Variants in INSYN2B observed in about 807,000 individuals in gnomAD.
INSYN2B encodes inhibitory synaptic factor family member 2B.
A neutral mutation model predicts 41.2 loss-of-function variants in INSYN2B; 16 were observed. That is an observed-to-expected ratio of 0.39 (90% CI 0.26 to 0.59). INSYN2B has a LOEUF of 0.59. Ranked by LOEUF, INSYN2B falls within the 20% of genes least tolerant of loss-of-function variation. The pLI, the probability that INSYN2B is intolerant of heterozygous loss-of-function variation, is 0.57. For missense variants in INSYN2B, 608 were observed against 646.4 expected (o/e 0.94, Z 0.64); for synonymous variants, 245 against 244.4 (o/e 1.00, Z -0.02).
At chr5:169,879,327 C>G (rs1463208304) in intron 3 of INSYN2B, among the ~76,000 whole-genome samples, 2 of 152,116 alleles carry the variant, frequency 1.3e-5, no homozygotes, top group Non-Finnish European at 2.9e-5. Flanking sequence ...ATCTGACTTT[C>G]CAGAACACAA....
At chr5:169,944,278 G>A (rs1044777128) in intron 1 of INSYN2B, among the ~76,000 whole-genome samples, 6 of 152,186 alleles carry the variant, frequency 3.9e-5, no homozygotes, top group African/African-American at 1.4e-4. Context: ...CATGCACAGA[G>A]GTGTCTGAAA....
intron 1 of INSYN2B, among the ~76,000 whole-genome samples, chr5:169,927,710 G>T (rs1023984211): frequency 6.6e-6 from 1 of 152,162 alleles, no homozygotes; most frequent in Non-Finnish European, 1.5e-5. Context: ...TCCGCTTCCC[G>T]AGTTCATGCC....
intron 1 of INSYN2B, among the ~76,000 whole-genome samples, chr5:169,979,574 G>A (rs1777866510): frequency 6.6e-6 from 1 of 152,050 alleles, no homozygotes; most frequent in South Asian, 2.1e-4. Context: ...CATTCACATC[G>A]GTGTGATTTC....
intron 1 of INSYN2B, among the ~76,000 whole-genome samples, chr5:169,907,153 TCTGATGG>T (rs1276229901): frequency 6.6e-6 from 1 of 152,188 alleles, no homozygotes; most frequent in Non-Finnish European, 1.5e-5. Flanking sequence ...GGGACCCATA[TCTGATGG>T]CTGCTGAGGC....
chr5:169,939,052 C>T (rs962792895), intron 1 of INSYN2B, among the ~76,000 whole-genome samples: 2 of 151,354 alleles, frequency 1.3e-5, no homozygotes, highest in African/African-American at 2.4e-5. Context: ...TACAGGCATG[C>T]ACCACCACGC....
chr5:169,947,083 T>G (rs754142824), intron 1 of INSYN2B, among the ~76,000 whole-genome samples: 13 of 152,216 alleles, frequency 8.5e-5, no homozygotes, highest in Admixed American at 5.9e-4. Context: ...TACGTTTATC[T>G]TTACACAACA....
At chr5:169,964,214 T>A (rs1777205687) in intron 1 of INSYN2B, among the ~76,000 whole-genome samples, 1 of 152,146 alleles carries the variant, frequency 6.6e-6, no homozygotes, top group Non-Finnish European at 1.5e-5. Context: ...ATTCTGTGCT[T>A]TATCCTCGGT....
At chr5:169,907,394 GTT>G (rs986019490) in intron 1 of INSYN2B, among the ~76,000 whole-genome samples, 19 of 152,202 alleles carry the variant, frequency 1.2e-4, no homozygotes, top group African/African-American at 4.6e-4. Flanking sequence ...TCTAGTTCCT[GTT>G]TACTCTCTGC....
chr5:169,960,650 T>C (rs1417014268), intron 1 of INSYN2B, among the ~76,000 whole-genome samples: 1 of 152,200 alleles, frequency 6.6e-6, no homozygotes, highest in African/African-American at 2.4e-5. Flanking sequence ...TCACCTGTAC[T>C]TGTGTGGTAA....
In INSYN2B at chr5:169,955,390, G is replaced by GGAGA. The variant is rs139569428; in HGVS notation, c.-919+24883_-919+24886dup. The stretch of plus-strand genomic sequence containing the variant: ...CATATTCAATAAGTGTTAAAGGAAG[G>GGAGA]GAGAGAGAGAGAGAGACTGGGAGGG... On this transcript the variant is annotated intron_variant, in intron 1 of 3. Transcript: ENST00000377365. 7.3e-3 allele frequency among the ~76,000 whole-genome samples: 1,113 copies of GGAGA among 151,666 alleles called. 4 individuals carry two copies. Among genetic ancestry groups the GGAGA allele is most frequent in the Non-Finnish European group, 0.011 (772 of 67,832 alleles).
intron 1 of INSYN2B, among the ~76,000 whole-genome samples, chr5:169,901,860 T>C (rs921381494): frequency 6.6e-6 from 1 of 152,200 alleles, no homozygotes; most frequent in Non-Finnish European, 1.5e-5. Flanking sequence ...TTGCATCTGT[T>C]GGAGAAGAAG....
chr5:169,911,961 G>A (rs1774621321), intron 1 of INSYN2B, among the ~76,000 whole-genome samples: 1 of 152,162 alleles, frequency 6.6e-6, no homozygotes, highest in East Asian at 1.9e-4. Context: ...ATGTTTCCTA[G>A]GTTGAAATTG....
At chr5:169,901,858 G>A (rs975241145) in intron 1 of INSYN2B, among the ~76,000 whole-genome samples, 1 of 152,194 alleles carries the variant, frequency 6.6e-6, no homozygotes, top group East Asian at 1.9e-4. Flanking sequence ...GCTTGCATCT[G>A]TTGGAGAAGA....
chr5:169,949,072 G>T (rs537510256), intron 1 of INSYN2B, among the ~76,000 whole-genome samples: 1 of 152,174 alleles, frequency 6.6e-6, no homozygotes, highest in South Asian at 2.1e-4. Context: ...ATTATTAAAG[G>T]AAAAGCAGAG....
At chr5:169,870,610 A>G (rs987916302) in intron 3 of INSYN2B, among the ~76,000 whole-genome samples, 11 of 151,074 alleles carry the variant, frequency 7.3e-5, no homozygotes, top group Non-Finnish European at 1.0e-4. Flanking sequence ...TTAAAATTTT[A>G]TTATTATTAT....
At chr5:169,970,019 G>A (rs1395484993) in intron 1 of INSYN2B, among the ~76,000 whole-genome samples, 1 of 152,250 alleles carries the variant, frequency 6.6e-6, no homozygotes, top group Non-Finnish European at 1.5e-5. Flanking sequence ...GAGGCCTACA[G>A]GCTGCCTTTT....
intron 1 of INSYN2B, among the ~76,000 whole-genome samples, chr5:169,887,446 C>G (rs562123607): frequency 6.6e-6 from 1 of 152,144 alleles, no homozygotes; most frequent in Non-Finnish European, 1.5e-5. Context: ...TCATTCTAGC[C>G]TTCTCCCTGT....
At chr5:169,957,762 A>G (rs1776926158) in intron 1 of INSYN2B, among the ~76,000 whole-genome samples, 1 of 152,188 alleles carries the variant, frequency 6.6e-6, no homozygotes, top group Non-Finnish European at 1.5e-5. Flanking sequence ...TGGTCTGTTC[A>G]TGACCCTGTT....
chr5:169,941,884 G>A (rs113762478), intron 1 of INSYN2B, among the ~76,000 whole-genome samples: 4 of 152,268 alleles, frequency 2.6e-5, no homozygotes, highest in African/African-American at 4.8e-5. Flanking sequence ...GCAGGGTCAC[G>A]CTGCATCAGG....
Sources: allele counts gnomAD v4.1 joint callset (sites outside exome capture counted in the v4.1 genomes callset), GRCh38; gene constraint gnomAD v4.1.1; transcripts MANE v1.5; gene names NCBI Gene and HGNC (gene_info 2026-07-23, HGNC 2026-07-21).